RSRC1: variants seen among roughly 807,000 people sequenced by gnomAD.
RSRC1 encodes serine/Arginine-related protein 53.
A neutral mutation model predicts 49.1 loss-of-function variants in RSRC1; 39 were observed. The observed-to-expected ratio is 0.79, with a 90% CI of 0.61 to 1.04. The LOEUF is 1.04. RSRC1 is among the 50% of genes least tolerant of loss of function. RSRC1 has a pLI of 0.00. For missense variants in RSRC1, 388 were observed against 402.4 expected (o/e 0.96, Z 0.31); for synonymous variants, 143 against 130.8 (o/e 1.09, Z -0.63).
In RSRC1 at chr3:158,365,165, T is replaced by G. The variant is rs546934505; in HGVS notation, c.583+10257T>G. The stretch of plus-strand genomic sequence containing the variant: ...TTTATTTATTTCATTTTTTTAAAAT[T>G]ATACTTTAAGTTCTGGGATACATGT... On this transcript the variant is annotated intron_variant, in intron 6 of 9. Transcript: ENST00000611884. Among the ~76,000 whole-genome samples, 26 of 152,300 alleles carry G rather than the reference T, an allele frequency of 1.7e-4. No individual in the cohort carries two copies. In the East Asian group the frequency reaches 3.7e-3, roughly 21 times the overall value.
intron 4 of RSRC1, among the ~76,000 whole-genome samples, chr3:158,265,221 C>T (rs1725103383): frequency 1.3e-5 from 2 of 152,186 alleles, no homozygotes; most frequent in Admixed American, 6.5e-5. Context: ...TTTTGCACAA[C>T]ATTAAAAAAT....
chr3:158,349,688 G>GC (rs1375704581), intron 5 of RSRC1, among the ~76,000 whole-genome samples: 4 of 111,392 alleles, frequency 3.6e-5, no homozygotes, highest in African/African-American at 3.6e-5. Flanking sequence ...TATTCTTACT[G>GC]CCCTTTTTTT....
intron 4 of RSRC1, among the ~76,000 whole-genome samples, chr3:158,231,486 G>T (rs543854116): frequency 7.0e-4 from 106 of 151,986 alleles, no homozygotes; most frequent in African/African-American, 2.4e-3. Flanking sequence ...AAATTACTAA[G>T]GCCCACATCC....
At chr3:158,508,361 C>G (rs1739969983) in intron 7 of RSRC1, among the ~76,000 whole-genome samples, 1 of 151,678 alleles carries the variant, frequency 6.6e-6, no homozygotes, top group Non-Finnish European at 1.5e-5. Flanking sequence ...GTGTGTGTGT[C>G]TCTGTATGTC....
At position 158,398,936 on chromosome 3, in the gene RSRC1, A is replaced by G. The variant is rs924909119; in HGVS notation, c.583+44028A>G. Reference sequence around the variant, plus strand: ...AGGTTAGTGCCAATAGTATGATGCTATTTTTTAAAATTGCTACATATATTT... The same window carrying G: ...AGGTTAGTGCCAATAGTATGATGCTGTTTTTTAAAATTGCTACATATATTT... On this transcript the variant is annotated intron_variant, in intron 6 of 9. Coordinates refer to ENST00000611884, the MANE Select transcript of RSRC1 (RefSeq NM_001271838.2). Among the ~76,000 whole-genome samples, 4 of 151,906 alleles carry G rather than the reference A, an allele frequency of 2.6e-5. 1 individual carries two copies. The highest frequency in any genetic ancestry group is 4.2e-4 in the South Asian group (2 of 4,816).
intron 5 of RSRC1, among the ~76,000 whole-genome samples, chr3:158,329,202 G>T (rs1337458052): frequency 6.6e-6 from 1 of 152,184 alleles, no homozygotes; most frequent in African/African-American, 2.4e-5. Flanking sequence ...TTAGCTCTGA[G>T]AAGTTTGATC....
chr3:158,174,450 T>A (rs1382845915), intron 3 of RSRC1, among the ~76,000 whole-genome samples: 1 of 152,018 alleles, frequency 6.6e-6, no homozygotes, highest in Admixed American at 6.6e-5. Flanking sequence ...AACACTGTTG[T>A]GTAAATACTA....
intron 4 of RSRC1, among the ~76,000 whole-genome samples, chr3:158,205,356 CAT>C (rs1721289481): frequency 6.6e-6 from 1 of 152,006 alleles, no homozygotes; most frequent in Non-Finnish European, 1.5e-5. Flanking sequence ...ACCTAATGTA[CAT>C]GTTAATTTTT....
chr3:158,350,206 C>T (rs1488522398), intron 5 of RSRC1, among the ~76,000 whole-genome samples: 12 of 129,850 alleles, frequency 9.2e-5, no homozygotes, highest in Non-Finnish European at 1.6e-4. Flanking sequence ...GAGAAAAGGT[C>T]TGGCTCTATC....
At chr3:158,320,152 A>G (rs1728682452) in intron 5 of RSRC1, among the ~76,000 whole-genome samples, 1 of 152,214 alleles carries the variant, frequency 6.6e-6, no homozygotes, top group Non-Finnish European at 1.5e-5. Context: ...GGAGCCTAAG[A>G]GGTATTGCTC....
chr3:158,489,400 A>T (rs1211397506), intron 7 of RSRC1, among the ~76,000 whole-genome samples: 1 of 152,240 alleles, frequency 6.6e-6, no homozygotes, highest in Non-Finnish European at 1.5e-5. Context: ...CCTGGTGTGG[A>T]ATCTTCAGCC....
intron 6 of RSRC1, among the ~76,000 whole-genome samples, chr3:158,400,712 A>T (rs895587172): frequency 6.6e-6 from 1 of 152,124 alleles, no homozygotes; most frequent in Non-Finnish European, 1.5e-5. Context: ...GAAGAAAGAA[A>T]ATATTTTTGT....
chr3:158,522,878 G>A (rs940831260), intron 7 of RSRC1, among the ~76,000 whole-genome samples: 4 of 151,944 alleles, frequency 2.6e-5, no homozygotes, highest in Non-Finnish European at 5.9e-5. Context: ...TCTGTCATCA[G>A]TGACACCTGA....
chr3:158,426,813 G>T (rs1305445312), intron 6 of RSRC1, among the ~76,000 whole-genome samples: 1 of 151,724 alleles, frequency 6.6e-6, no homozygotes, highest in Non-Finnish European at 1.5e-5. Context: ...TAAAAAAATT[G>T]TGTTTAAAGA....
At chr3:158,196,386 T>G (rs1720617131) in intron 3 of RSRC1, among the ~76,000 whole-genome samples, 2 of 152,196 alleles carry the variant, frequency 1.3e-5, no homozygotes, top group South Asian at 4.1e-4. Flanking sequence ...CTTATCAGCT[T>G]AAGGAGATTT....
In RSRC1 at chr3:158,319,361, G is replaced by C. The variant is rs951993646; in HGVS notation, c.531+21286G>C. ...TTTCCTTTCACCTTTTGCTATGATT[G>C]TAAGTTTCCTGAGGCCTCCCCAGCC... is the stretch of plus-strand genomic sequence containing the variant. On this transcript the variant is annotated intron_variant, in intron 5 of 9. Transcript: ENST00000611884. 1.1e-4 allele frequency among the ~76,000 whole-genome samples: 17 copies of C among 152,090 alleles called. 1 individual carries two copies. The highest frequency in any genetic ancestry group is 1.1e-3 in the Admixed American group (17 of 15,266).
At chr3:158,360,895 T>A (rs1427814629) in intron 6 of RSRC1, among the ~76,000 whole-genome samples, 1 of 152,174 alleles carries the variant, frequency 6.6e-6, no homozygotes, top group Non-Finnish European at 1.5e-5. Context: ...GCTCCTGGCC[T>A]CTGTCAGCTC....
At chr3:158,463,254 A>G (rs1737712339) in intron 7 of RSRC1, among the ~76,000 whole-genome samples, 1 of 152,104 alleles carries the variant, frequency 6.6e-6, no homozygotes, top group Admixed American at 6.6e-5. Flanking sequence ...AAAATTTGCT[A>G]AACTATTTGC....
intron 5 of RSRC1, among the ~76,000 whole-genome samples, chr3:158,327,347 C>T (rs1729220773): frequency 2.6e-5 from 4 of 152,218 alleles, no homozygotes; most frequent in East Asian, 3.9e-4. Flanking sequence ...TAGATCTTTC[C>T]TGCTGTCTCT....
Sources: gnomAD v4.1 joint callset for allele counts (sites outside exome capture counted in the v4.1 genomes callset) on GRCh38, gnomAD v4.1.1 for gene constraint, MANE v1.5 for transcripts, NCBI Gene and HGNC (gene_info 2026-07-23, HGNC 2026-07-21) for gene names.